The following MROH1 variants were observed in gnomAD, a reference collection of about 807,000 sequenced individuals.
The protein encoded by MROH1 is maestro heat like repeat family member 1, also known as maestro heat-like repeat-containing protein family member 1.
In MROH1, 117 loss-of-function variants were observed where a neutral mutation model predicts 116.5. The observed-to-expected ratio is 1.00, with a 90% CI of 0.86 to 1.17. The LOEUF (loss-of-function observed/expected upper bound fraction) is 1.17. MROH1 is among the 50% of genes most tolerant of loss of function. MROH1 has a pLI of 0.00. For missense variants in MROH1, 1,873 were observed against 1,338.5 expected (o/e 1.40, Z -6.23); for synonymous variants, 921 against 583.9 (o/e 1.58, Z -8.32).
chr8:144,155,108 G>A (rs919293755), intron 1 of MROH1, among the ~76,000 whole-genome samples: 45 of 151,940 alleles, frequency 3.0e-4, no homozygotes, highest in Non-Finnish European at 5.3e-4. Context: ...GAGCCACCAC[G>A]CCCGGCCTAA....
chr8:144,171,098 C>T (rs557672228), intron 4 of MROH1, among the ~76,000 whole-genome samples: 1 of 152,354 alleles, frequency 6.6e-6, no homozygotes, highest in Admixed American at 6.5e-5. Flanking sequence ...TCAATTCAAT[C>T]CCAACACCAT....
chr8:144,228,624 C>A (rs112836094), intron 14 of MROH1, among the ~76,000 whole-genome samples: 9,200 of 152,226 alleles, frequency 0.06, 955 homozygotes, highest in African/African-American at 0.21. Context: ...CCACCACACC[C>A]AGCTAATTGT....
chr8:144,172,910 A>G (rs745371635), intron 4 of MROH1, among the ~76,000 whole-genome samples: 1 of 152,054 alleles, frequency 6.6e-6, no homozygotes, highest in Non-Finnish European at 1.5e-5. Context: ...ACTTTCTCAG[A>G]TGTTCCCTGG....
rs1817494485 is a variant in MROH1 at position 144,154,100 on chromosome 8, T to C, written c.-177+6024T>C. On this transcript the variant is annotated intron_variant, in intron 1 of 43. Coordinates refer to ENST00000326134, the MANE Select transcript of MROH1 (RefSeq NM_032450.3). ...TTTTTTTTGAGATGGAGCCTGGCTCTGTTGCCCAGGCTGGAGTGCAGTGGC... is the reference window on the plus strand; with the variant it reads ...TTTTTTTTGAGATGGAGCCTGGCTCCGTTGCCCAGGCTGGAGTGCAGTGGC... 2.8e-5 allele frequency among the ~76,000 whole-genome samples: 4 copies of C among 142,950 alleles called. 1 individual carries two copies. The highest frequency in any genetic ancestry group is 2.8e-4 in the Admixed American group (4 of 14,404). The allele number at this position is 142,950 out of a possible 152,430, so 93.8% of individuals were successfully genotyped here.
At chr8:144,255,410 C>CACG (rs1843552417) in intron 34 of MROH1, 99 bp from the exon 35 acceptor site, 6 of 702,500 alleles carry the variant, frequency 8.5e-6, no homozygotes, top group Non-Finnish European at 1.6e-5. Context: ...CCTCCGAGCA[C>CACG]ATGATGCAGG....
chr8:144,195,327 C>T (rs1215655554), intron 10 of MROH1, among the ~76,000 whole-genome samples: 3 of 149,634 alleles, frequency 2.0e-5, no homozygotes, highest in African/African-American at 7.3e-5. Context: ...CGGTGAAACC[C>T]TGTCTTTACT....
chr8:144,171,364 G>A (rs1274673648), intron 4 of MROH1, among the ~76,000 whole-genome samples: 6 of 152,236 alleles, frequency 3.9e-5, no homozygotes, highest in Non-Finnish European at 8.8e-5. Context: ...AGCAGGTGGA[G>A]GAGACGCTTG....
chr8:144,148,296 G>A (rs1367344543), intron 1 of MROH1, among the ~76,000 whole-genome samples: 1 of 152,196 alleles, frequency 6.6e-6, no homozygotes, highest in African/African-American at 2.4e-5. Flanking sequence ...AAGAGAGGCC[G>A]GAGCTGTGCG....
At chr8:144,260,135 G>C (rs1309221098) in intron 38 of MROH1, 51 bp from the exon 39 acceptor site, 2 of 758,054 alleles carry the variant, frequency 2.6e-6, no homozygotes, top group African/African-American at 3.4e-5. Context: ...CTGTCTTGTG[G>C]GGTAGCAGAC....
At chr8:144,154,464 G>T (rs888023863) in intron 1 of MROH1, among the ~76,000 whole-genome samples, 50 of 152,176 alleles carry the variant, frequency 3.3e-4, no homozygotes, top group African/African-American at 1.2e-3. Flanking sequence ...GACTAAACCT[G>T]ATGAAGAATG....
Position 144,178,007 on chromosome 8 carries a change from C to T in MROH1, c.169-1448C>T, listed in dbSNP as rs1254401413. Among the ~76,000 whole-genome samples the T allele has an allele frequency of 4.6e-5, 7 of 151,882 alleles. No individual in the cohort carries two copies. In the East Asian group the frequency reaches 9.6e-4, roughly 21 times the overall value. On this transcript the variant is annotated intron_variant, in intron 4 of 43. Coordinates refer to ENST00000326134, the MANE Select transcript of MROH1 (RefSeq NM_032450.3). ...TTTGAGACAGTCTTGCTCTGTCGCC[C>T]AGGCTGGAGTGGTGTGATCTCGGCT...
chr8:144,254,029 CCTT>C (rs1385294711), intron 33 of MROH1, among the ~76,000 whole-genome samples: 1 of 152,132 alleles, frequency 6.6e-6, no homozygotes, highest in Non-Finnish European at 1.5e-5. Flanking sequence ...CCAACCTACT[CCTT>C]GACAGCCATT....
intron 14 of MROH1, 67 bp downstream of exon 14, chr8:144,223,297 A>G (rs1277887016): frequency 1.3e-6 from 2 of 1,528,782 alleles, no homozygotes; most frequent in African/African-American, 2.7e-5. Context: ...AGGCACTGGC[A>G]TCAGGAGCCA....
Position 144,231,533 on chromosome 8 carries a change from C to T in MROH1, c.1339-7223C>T, listed in dbSNP as rs536219455. 1.8e-4 allele frequency among the ~76,000 whole-genome samples: 27 copies of T among 152,192 alleles called. 1 individual carries two copies. In the South Asian group the frequency reaches 5.4e-3, roughly 30 times the overall value. On this transcript the variant is annotated intron_variant, in intron 14 of 43. Transcript: ENST00000326134. ...GGAGCAGGGAGACCCTAGCAGAGGGCGAGAGGTGGGGAGTGGCTGGCCAGT... is the reference window on the plus strand; with the variant it reads ...GGAGCAGGGAGACCCTAGCAGAGGGTGAGAGGTGGGGAGTGGCTGGCCAGT...
chr8:144,213,368 T>A (rs1165739246), intron 12 of MROH1: 1 of 386,468 alleles, frequency 2.6e-6, no homozygotes, highest in Non-Finnish European at 4.6e-6. Flanking sequence ...GTTACAGGAT[T>A]CTTGGCTGAC....
At chr8:144,249,717 C>T (rs1329191510) in intron 32 of MROH1, among the ~76,000 whole-genome samples, 1 of 152,146 alleles carries the variant, frequency 6.6e-6, no homozygotes, top group African/African-American at 2.4e-5. Flanking sequence ...CCCCAAGTCC[C>T]ATCCTTCCGT....
chr8:144,218,290 G>A (rs1009343843), intron 12 of MROH1, among the ~76,000 whole-genome samples: 2 of 152,008 alleles, frequency 1.3e-5, no homozygotes, highest in Non-Finnish European at 2.9e-5. Flanking sequence ...AGATGATGCC[G>A]AGGTGTTTTC....
chr8:144,207,884 T>C (rs1399851961), intron 12 of MROH1, among the ~76,000 whole-genome samples: 1 of 152,186 alleles, frequency 6.6e-6, no homozygotes, highest in Non-Finnish European at 1.5e-5. Flanking sequence ...CTGTGATTCA[T>C]CTTTTACTAA....
Position 144,260,334 on chromosome 8 carries a change from T to C in MROH1, c.4340T>C (p.Leu1447Pro). The C allele has an allele frequency of 1.4e-6, 1 of 738,510 alleles. No individual in the cohort carries two copies. The highest frequency in any genetic ancestry group is 1.4e-5 in the South Asian group (1 of 70,266). The allele number at this position is 738,510 out of a possible 1,614,324, so 45.7% of individuals were successfully genotyped here. A position where few individuals can be genotyped will look rare whatever the true frequency, so the allele number is the denominator to read the frequency against. ...LVESWDLRSG[L>P]LHVAIRIRPF... ...GAGTCCTGGGACCTGCGCTCAGGGC[T>C]GCTGCACGTGGCCATCCGCATCCGG... The change falls in exon 39 of 44, where the codon CTG becomes CCG. Residue 1447 changes from leucine (L) to proline (P), a missense_variant. Physicochemically the swap from Leu to Pro is moderately conservative, Grantham distance 98. Transcript: ENST00000326134.
Sources: gnomAD v4.1 joint callset for allele counts (sites outside exome capture counted in the v4.1 genomes callset) on GRCh38, gnomAD v4.1.1 for gene constraint, MANE v1.5 for transcripts, NCBI Gene and HGNC (gene_info 2026-07-23, HGNC 2026-07-21) for gene names.